Variants in FOXP1 observed in about 807,000 individuals in gnomAD.
The protein encoded by FOXP1 is forkhead box protein P1.
In FOXP1, 15 loss-of-function variants were observed where a neutral mutation model predicts 98.2. The ratio of observed to expected loss-of-function variants is 0.15; its 90% CI spans 0.10 to 0.24. The LOEUF is 0.24. FOXP1 is among the 10% of genes least tolerant of loss of function. FOXP1 has a pLI of 1.00. For missense variants in FOXP1, 633 were observed against 848.5 expected (o/e 0.75, Z 3.15); for synonymous variants, 371 against 314.5 (o/e 1.18, Z -1.90).
chr3:71,396,984 G>A lies in FOXP1; in HGVS notation c.-167-37740C>T, dbSNP rs13072057. ...TATATGTGTGTATATATATATATGT[G>A]TATATATATACACATATATATGTGT... On this transcript the variant is annotated intron_variant, in intron 3 of 20. Transcript: ENST00000649528. Among the ~76,000 whole-genome samples the A allele has an allele frequency of 8.6e-4, 18 of 20,858 alleles. 6 individuals carry two copies. Among genetic ancestry groups the A allele is most frequent in the African/African-American group, 1.6e-3 (8 of 4,920 alleles). The allele number at this position is 20,858 out of a possible 152,430, so 13.7% of individuals were successfully genotyped here.
chr3:71,532,987 T>A (rs963896637), intron 2 of FOXP1, among the ~76,000 whole-genome samples: 1 of 152,224 alleles, frequency 6.6e-6, no homozygotes, highest in Non-Finnish European at 1.5e-5. Context: ...AGGACCCTGG[T>A]TGATACATCT....
intron 14 of FOXP1, among the ~76,000 whole-genome samples, chr3:70,981,896 A>T (rs144288621): frequency 1.3e-4 from 20 of 152,366 alleles, no homozygotes; most frequent in African/African-American, 4.6e-4. Context: ...GGAAGAAGAA[A>T]AAGCTGTACA....
At chr3:70,996,641 C>A (rs976054241) in intron 13 of FOXP1, among the ~76,000 whole-genome samples, 8 of 152,196 alleles carry the variant, frequency 5.3e-5, no homozygotes, top group Admixed American at 5.2e-4. Context: ...AGGTACACAG[C>A]ACTTAAGTGA....
chr3:71,523,341 G>C (rs2043130188), intron 2 of FOXP1, among the ~76,000 whole-genome samples: 1 of 152,124 alleles, frequency 6.6e-6, no homozygotes, highest in Non-Finnish European at 1.5e-5. Context: ...CAGAGGCAGG[G>C]GGACAATAAT....
intron 4 of FOXP1, among the ~76,000 whole-genome samples, chr3:71,326,096 C>A (rs886795069): frequency 1.3e-5 from 2 of 152,106 alleles, no homozygotes; most frequent in Admixed American, 1.3e-4. Context: ...CCAAATTTCT[C>A]TTTTCGTTAT....
chr3:71,108,679 C>A (rs2057651677), intron 7 of FOXP1, among the ~76,000 whole-genome samples: 1 of 152,092 alleles, frequency 6.6e-6, no homozygotes, highest in African/African-American at 2.4e-5. Context: ...GCAGGAGAAT[C>A]GCTTGAACCT....
intron 14 of FOXP1, among the ~76,000 whole-genome samples, chr3:70,979,387 T>A (rs1222866414): frequency 6.7e-6 from 1 of 149,380 alleles, no homozygotes; most frequent in Non-Finnish European, 1.5e-5. Flanking sequence ...AGTACTGTTC[T>A]TACAAATACT....
At chr3:70,970,504 A>T in intron 19 of FOXP1, 1 of 538,828 alleles carries the variant, frequency 1.9e-6, no homozygotes, top group Non-Finnish European at 3.3e-6. Context: ...GATAAATATT[A>T]ATAAGTGAAC....
At chr3:71,051,945 C>T (rs958688557) in intron 9 of FOXP1, among the ~76,000 whole-genome samples, 3 of 152,286 alleles carry the variant, frequency 2.0e-5, no homozygotes, top group South Asian at 2.1e-4. Flanking sequence ...CTCCACCCTG[C>T]CCAAGAAAAC....
At chr3:71,351,083 T>C (rs745567603) in intron 4 of FOXP1, among the ~76,000 whole-genome samples, 7 of 152,130 alleles carry the variant, frequency 4.6e-5, no homozygotes, top group Non-Finnish European at 1.0e-4. Context: ...TAAGAAAAGA[T>C]CTTTTCTGCT....
intron 3 of FOXP1, among the ~76,000 whole-genome samples, chr3:71,432,947 A>T (rs1433963342): frequency 6.6e-6 from 1 of 151,886 alleles, no homozygotes; most frequent in Non-Finnish European, 1.5e-5. Context: ...CTGAGCTTTA[A>T]GACAGACAAA....
intron 2 of FOXP1, among the ~76,000 whole-genome samples, chr3:71,495,427 G>A (rs1039859541): frequency 1.3e-5 from 2 of 152,096 alleles, no homozygotes; most frequent in Non-Finnish European, 1.5e-5. Flanking sequence ...TCATCGCAAT[G>A]CTCCAAAATT....
intron 11 of FOXP1, among the ~76,000 whole-genome samples, chr3:71,019,037 A>G (rs1385890062): frequency 6.6e-6 from 1 of 152,208 alleles, no homozygotes; most frequent in Non-Finnish European, 1.5e-5. Flanking sequence ...GTCGTTCTGT[A>G]TGAAGCATCA....
intron 5 of FOXP1, among the ~76,000 whole-genome samples, chr3:71,231,855 A>G (rs569614381): frequency 1.1e-4 from 17 of 152,370 alleles, no homozygotes; most frequent in Admixed American, 2.6e-4. Context: ...GAACGAGGGG[A>G]ACAGGCAATT....
intron 3 of FOXP1, among the ~76,000 whole-genome samples, chr3:71,468,177 T>C (rs1292532338): frequency 1.3e-5 from 2 of 152,126 alleles, no homozygotes; most frequent in African/African-American, 4.8e-5. Context: ...AAAATACCTG[T>C]CCAAACATTT....
chr3:71,162,124 T>C (rs188296197), intron 6 of FOXP1, among the ~76,000 whole-genome samples: 20 of 152,340 alleles, frequency 1.3e-4, no homozygotes, highest in Non-Finnish European at 1.9e-4. Flanking sequence ...CAGCCAGATG[T>C]ACCTTAAGTG....
At chr3:71,244,288 T>C (rs1314018299) in intron 5 of FOXP1, among the ~76,000 whole-genome samples, 1 of 152,098 alleles carries the variant, frequency 6.6e-6, no homozygotes, top group Non-Finnish European at 1.5e-5. Flanking sequence ...GCTGCCACAG[T>C]GCGTGCGCTC....
rs116661326 is a variant in FOXP1, at chr3:71,106,293, C to T, written c.282+6243G>A. Among the ~76,000 whole-genome samples the T allele has an allele frequency of 9.4e-3, 1,436 of 152,298 alleles. 29 individuals are homozygous for T. Among genetic ancestry groups the T allele is most frequent in the African/African-American group, 0.033 (1,367 of 41,570 alleles). On this transcript the variant is annotated intron_variant, in intron 7 of 20. Transcript: ENST00000649528. ...ACATTTGCATTGTAATTCTTAGATA[C>T]ATTTAAACTAGTGATCATATAATTA...
intron 4 of FOXP1, among the ~76,000 whole-genome samples, chr3:71,319,009 C>T (rs2075244855): frequency 6.6e-6 from 1 of 152,114 alleles, no homozygotes; most frequent in African/African-American, 2.4e-5. Context: ...TACAGGGTAC[C>T]CCAAAGAGGG....
Sources: gnomAD v4.1 joint callset for allele counts (sites outside exome capture counted in the v4.1 genomes callset) on GRCh38, gnomAD v4.1.1 for gene constraint, MANE v1.5 for transcripts, NCBI Gene and HGNC (gene_info 2026-07-23, HGNC 2026-07-21) for gene names.